The following ABCA12 variants were observed in gnomAD, a reference collection of about 807,000 sequenced individuals.
The protein encoded by ABCA12 is glucosylceramide transporter ABCA12.
In ABCA12, 156 loss-of-function variants were observed where a neutral mutation model predicts 293.5. That is an observed-to-expected ratio of 0.53 (90% CI 0.47 to 0.61). The LOEUF (loss-of-function observed/expected upper bound fraction) is 0.61, where lower values mean the gene tolerates loss of function less well. ABCA12 is among the 20% of genes least tolerant of loss of function. The pLI, the probability that ABCA12 is intolerant of heterozygous loss-of-function variation, is 0.00. For synonymous variants in ABCA12, 1,063 were observed against 1,108.0 expected, an observed-to-expected ratio of 0.96 and a Z score of 0.81; for missense variants, 2,797 against 3,090.2, an observed-to-expected ratio of 0.91 and a Z score of 2.25.
At chr2:215,082,586 A>C (rs1423278051) in intron 2 of ABCA12, 1 of 152,184 alleles carries the variant, frequency 6.6e-6, no homozygotes, top group Non-Finnish European at 1.5e-5. Context: ...CTTTCTCTTC[A>C]CCATTTAGCA....
chr2:215,121,355 C>T lies in ABCA12; in HGVS notation c.70-9665G>A, dbSNP rs1225590260. ...TTAAAGGACTTTCTGTAACCTAGAA[C>T]TTTTTATTGCAAACTTGAAAATAAA... On this transcript the variant is annotated intron_variant, in intron 1 of 52. Transcript: ENST00000272895. Among the ~76,000 whole-genome samples the T allele has an allele frequency of 2.6e-5, 4 of 152,178 alleles. No homozygotes were observed. In the East Asian group the frequency reaches 7.7e-4, roughly 29 times the overall value.
At chr2:215,014,436 A>G (rs770837421) in intron 15 of ABCA12, among the ~76,000 whole-genome samples, 28 of 152,286 alleles carry the variant, frequency 1.8e-4, no homozygotes, top group Non-Finnish European at 2.6e-4. Flanking sequence ...GCCAGGGTCC[A>G]GAAAGTAGCC....
At chr2:214,941,861 A>C (rs1017495847) in intron 50 of ABCA12, among the ~76,000 whole-genome samples, 3 of 151,586 alleles carry the variant, frequency 2.0e-5, no homozygotes, top group Non-Finnish European at 4.4e-5. Flanking sequence ...TCTGCACATG[A>C]GATGGGTCTC....
intron 39 of ABCA12, chr2:214,961,884 A>G (rs1289488838): frequency 6.6e-6 from 1 of 152,284 alleles, no homozygotes; most frequent in South Asian, 2.1e-4. Flanking sequence ...CTGTTGCTGG[A>G]ATGAGTATTG....
rs143355499 is a variant in ABCA12 at position 215,094,608 on chromosome 2, G to A, written c.163+16989C>T. On this transcript the variant is annotated intron_variant, in intron 2 of 52. Transcript: ENST00000272895. ...TCTTAGAACCTCTCATTTCCTTTAA[G>A]ACGTTTGCCCTGCATTTCACTCCAT... Among the ~76,000 whole-genome samples, 966 of 152,168 alleles carry A rather than the reference G, an allele frequency of 6.3e-3. 9 individuals are homozygous for A. Among genetic ancestry groups the A allele is most frequent in the African/African-American group, 0.022 (919 of 41,504 alleles).
intron 44 of ABCA12, 31 bp from the exon 45 acceptor site, chr2:214,951,114 T>G (rs754060361): frequency 6.3e-7 from 1 of 1,587,494 alleles, no homozygotes; most frequent in Non-Finnish European, 8.6e-7. Flanking sequence ...TTTACGTCAA[T>G]GATTTTGAAA....
At chr2:215,106,866 A>G (rs1177321273) in intron 2 of ABCA12, among the ~76,000 whole-genome samples, 1 of 151,950 alleles carries the variant, frequency 6.6e-6, no homozygotes, top group Non-Finnish European at 1.5e-5. Context: ...ATAAATTTGG[A>G]TATAATTCAA....
In ABCA12 at chr2:215,138,310, C is replaced by T; in HGVS notation, c.-102G>A. On this transcript the variant is annotated 5_prime_UTR_variant, in exon 1 of 53. Coordinates refer to ENST00000272895, the MANE Select transcript of ABCA12 (RefSeq NM_173076.3). Reference sequence around the variant, plus strand: ...TTGCTGTATGTCAGTGTATCAGTACCCCTTTCACGGCATAGCTTCCTTGAG... The same window carrying T: ...TTGCTGTATGTCAGTGTATCAGTACTCCTTTCACGGCATAGCTTCCTTGAG... 1 of 1,209,248 alleles carries T rather than the reference C, an allele frequency of 8.3e-7. No individual in the cohort carries two copies. Among genetic ancestry groups the T allele is most frequent in the African/African-American group, 1.5e-5 (1 of 67,108 alleles). 74.9% of individuals were successfully genotyped at this position (1,209,248 alleles called of 1,614,324 possible).
At chr2:215,084,649 CA>C (rs1255389236) in intron 2 of ABCA12, among the ~76,000 whole-genome samples, 2 of 152,180 alleles carry the variant, frequency 1.3e-5, no homozygotes, top group African/African-American at 4.8e-5. Context: ...ATCCCAACTG[CA>C]TAAAATTTGA....
intron 3 of ABCA12, among the ~76,000 whole-genome samples, chr2:215,062,630 T>C (rs986396824): frequency 1.7e-4 from 26 of 152,034 alleles, no homozygotes; most frequent in Non-Finnish European, 2.9e-5. Context: ...AGCTGACTTT[T>C]TGCTCTTCTA....
At chr2:215,038,415 A>G (rs1346695194) in intron 7 of ABCA12, among the ~76,000 whole-genome samples, 1 of 152,204 alleles carries the variant, frequency 6.6e-6, no homozygotes, top group East Asian at 1.9e-4. Context: ...CCTCTAGCAC[A>G]AAAGCTTTGC....
At chr2:215,013,444 C>T (rs1188924976) in intron 15 of ABCA12, 1 of 152,450 alleles carries the variant, frequency 6.6e-6, no homozygotes, top group East Asian at 1.9e-4. Flanking sequence ...TCATATCTCC[C>T]ACACCGCCCA....
intron 15 of ABCA12, among the ~76,000 whole-genome samples, chr2:215,014,439 A>C (rs1294631287): frequency 6.6e-6 from 1 of 152,140 alleles, no homozygotes; most frequent in Non-Finnish European, 1.5e-5. Context: ...AGGGTCCAGA[A>C]AGTAGCCAAG....
chr2:214,950,302 A>G (rs1390971698), intron 45 of ABCA12, among the ~76,000 whole-genome samples: 1 of 151,772 alleles, frequency 6.6e-6, no homozygotes, highest in Non-Finnish European at 1.5e-5. Flanking sequence ...TCCCATGGAT[A>G]TGGAGGGATG....
chr2:214,950,384 CTG>C (rs61619476), intron 45 of ABCA12, among the ~76,000 whole-genome samples: 3,818 of 116,534 alleles, frequency 0.033, 78 homozygotes, highest in African/African-American at 0.048. Context: ...ATATATATAT[CTG>C]TGTGTGTGTG....
At chr2:215,131,699 A>ATCTTTTT (rs1170990427) in intron 1 of ABCA12, among the ~76,000 whole-genome samples, 1 of 38,624 alleles carries the variant, frequency 2.6e-5, no homozygotes, top group African/African-American at 9.9e-5. Flanking sequence ...GATCCTTTCT[A>ATCTTTTT]TTGTTTTTTT....
At chr2:214,965,198 C>A (rs1294034642) in intron 39 of ABCA12, among the ~76,000 whole-genome samples, 3 of 152,084 alleles carry the variant, frequency 2.0e-5, no homozygotes, top group African/African-American at 7.2e-5. Context: ...AAACTGGACC[C>A]CTTTCTTACA....
intron 3 of ABCA12, among the ~76,000 whole-genome samples, chr2:215,061,245 A>T (rs907311771): frequency 6.6e-5 from 10 of 152,036 alleles, no homozygotes; most frequent in African/African-American, 2.2e-4. Context: ...TTTTTTAAAC[A>T]TCTCATCCTG....
At chr2:214,950,754 C>T in intron 45 of ABCA12, 125 bp downstream of exon 45, 1 of 1,014,400 alleles carries the variant, frequency 9.9e-7, no homozygotes, top group Non-Finnish European at 1.5e-6. Flanking sequence ...ATCCACCCAC[C>T]TCGGCCTCCC....
Sources: allele counts gnomAD v4.1 joint callset (sites outside exome capture counted in the v4.1 genomes callset), GRCh38; gene constraint gnomAD v4.1.1; transcripts MANE v1.5; gene names NCBI Gene and HGNC (gene_info 2026-07-23, HGNC 2026-07-21).